ZSWIM7: variants seen among roughly 807,000 people sequenced by gnomAD.
The protein encoded by ZSWIM7 is zinc finger SWIM-type containing 7.
A neutral mutation model predicts 21.1 loss-of-function variants in ZSWIM7; 22 were observed. The observed-to-expected ratio is 1.04, with a 90% CI of 0.74 to 1.49. The LOEUF (loss-of-function observed/expected upper bound fraction) is 1.49. Among genes scored for constraint, ZSWIM7 ranks in the 40% most tolerant of loss-of-function variants. ZSWIM7 has a pLI of 0.00. For missense variants in ZSWIM7, 193 were observed against 168.0 expected, an observed-to-expected ratio of 1.15 and a Z score of -0.82; for synonymous variants, 67 against 66.5, an observed-to-expected ratio of 1.01 and a Z score of -0.04.
chr17:15,986,326 G>A (rs1970410075), intron 3 of ZSWIM7, among the ~76,000 whole-genome samples: 1 of 152,162 alleles, frequency 6.6e-6, no homozygotes, highest in Non-Finnish European at 1.5e-5. Context: ...TTACAGGCGT[G>A]AGCCACCACG....
chr17:15,979,386 T>C (rs1310570389), intron 4 of ZSWIM7, among the ~76,000 whole-genome samples: 5 of 152,358 alleles, frequency 3.3e-5, no homozygotes, highest in Admixed American at 2.0e-4. Flanking sequence ...CCATGTCTAC[T>C]TCTTTCCACA....
chr17:15,978,944 TCTC>T (rs1033465081), intron 4 of ZSWIM7, among the ~76,000 whole-genome samples: 9 of 149,176 alleles, frequency 6.0e-5, no homozygotes, highest in Non-Finnish European at 1.2e-4. Flanking sequence ...TAGGCTACTC[TCTC>T]TTTTTTTTTT....
rs200004394 is a variant in ZSWIM7, at chr17:15,999,509, G to C, written c.76+10C>G. 1,614 of 1,598,176 alleles carry C rather than the reference G, an allele frequency of 1.0e-3. 3 individuals carry two copies. Among genetic ancestry groups the C allele is most frequent in the Middle Eastern group, 3.6e-3 (19 of 5,334 alleles). ...CCATGGCGCAGCCACACACGACCTCGGTCCCGTACTTCGCGCGCTCTCCTG... is the reference window on the plus strand; with the variant it reads ...CCATGGCGCAGCCACACACGACCTCCGTCCCGTACTTCGCGCGCTCTCCTG... On this transcript the variant is annotated intron_variant, in intron 1 of 4. Coordinates refer to ENST00000399277, the MANE Select transcript of ZSWIM7 (RefSeq NM_001042697.2).
At chr17:15,995,425 G>A (rs1176934201) in intron 1 of ZSWIM7, among the ~76,000 whole-genome samples, 1 of 150,502 alleles carries the variant, frequency 6.6e-6, no homozygotes, top group Non-Finnish European at 1.5e-5. Flanking sequence ...GCACCACCAC[G>A]CCCAGCTAAT....
Position 15,999,619 on chromosome 17 carries a change from G to C in ZSWIM7, c.-25C>G. The C allele has an allele frequency of 6.4e-7, 1 of 1,565,668 alleles. No homozygotes were observed. Among genetic ancestry groups the C allele is most frequent in the Middle Eastern group, 1.7e-4 (1 of 5,952 alleles). On this transcript the variant is annotated 5_prime_UTR_variant, in exon 1 of 5. Transcript: ENST00000399277. ...TCGCGCCGCAGGACACGCCCTCCAC[G>C]ACCGGCGGACCGCCGCGACGCTCCA...
intron 4 of ZSWIM7, among the ~76,000 whole-genome samples, chr17:15,979,214 C>T (rs1338329974): frequency 6.6e-6 from 1 of 151,886 alleles, no homozygotes; most frequent in Non-Finnish European, 1.5e-5. Context: ...TGCCTTCAAG[C>T]ATCTGTTTAT....
chr17:15,980,357 T>G (rs143511643), intron 4 of ZSWIM7: 4 of 152,392 alleles, frequency 2.6e-5, no homozygotes, highest in African/African-American at 9.6e-5. Flanking sequence ...GCACATCAGT[T>G]ACGAATGTGG....
intron 4 of ZSWIM7, among the ~76,000 whole-genome samples, chr17:15,980,039 C>G (rs112347584): frequency 1.0e-4 from 12 of 118,264 alleles, no homozygotes; most frequent in Admixed American, 5.5e-4. Context: ...GGGGGGCTGA[C>G]CCCCCCACCT....
intron 1 of ZSWIM7, among the ~76,000 whole-genome samples, chr17:15,994,108 C>G (rs905029437): frequency 2.0e-5 from 3 of 152,132 alleles, no homozygotes; most frequent in Non-Finnish European, 4.4e-5. Flanking sequence ...ACTACCATGC[C>G]CAGCTAATTT....
chr17:15,982,571 G>T lies in ZSWIM7; in HGVS notation c.202-1427C>A, dbSNP rs542800629. 1.7e-4 allele frequency among the ~76,000 whole-genome samples: 26 copies of T among 152,204 alleles called. 1 individual carries two copies. In the South Asian group the frequency reaches 2.9e-3, roughly 17 times the overall value. ...GTTTGACTGCAAGAACAAACAGCAG[G>T]TTCCACTGCTGTGCTTTTGTCACAT... is the stretch of plus-strand genomic sequence containing the variant. On this transcript the variant is annotated intron_variant, in intron 3 of 4. Coordinates refer to ENST00000399277, the MANE Select transcript of ZSWIM7 (RefSeq NM_001042697.2).
rs1034932712 is a variant in ZSWIM7, at chr17:15,993,781, G to A, written c.77-3C>T. Reference sequence around the variant, plus strand: ...CGATAACAGATATTCATCAGGAACTGTAAAATGAGAATGGAAAAAAAAAGT... The same window carrying A: ...CGATAACAGATATTCATCAGGAACTATAAAATGAGAATGGAAAAAAAAAGT... On this transcript the variant is annotated splice_region_variant and splice_polypyrimidine_tract_variant and intron_variant, in intron 1 of 4. Transcript: ENST00000399277. 4.7e-6 allele frequency: 7 copies of A among 1,505,278 alleles called. No individual in the cohort carries two copies. The highest frequency in any genetic ancestry group is 4.2e-5 in the African/African-American group (3 of 71,842). The allele number at this position is 1,505,278 out of a possible 1,614,324, so 93.2% of individuals were successfully genotyped here.
intron 2 of ZSWIM7, among the ~76,000 whole-genome samples, chr17:15,989,638 G>A (rs1970457433): frequency 5.3e-5 from 8 of 151,590 alleles, no homozygotes; most frequent in Admixed American, 5.3e-4. Context: ...TTTGTTTTTT[G>A]TTTTTTGAGA....
At chr17:15,998,450 C>T (rs900647864) in intron 1 of ZSWIM7, among the ~76,000 whole-genome samples, 5 of 152,192 alleles carry the variant, frequency 3.3e-5, no homozygotes, top group African/African-American at 1.2e-4. Context: ...ACTTTTAAAA[C>T]AAAAGCCATC....
chr17:15,986,070 A>G (rs1970406346), intron 3 of ZSWIM7, among the ~76,000 whole-genome samples: 1 of 84,494 alleles, frequency 1.2e-5, no homozygotes, highest in African/African-American at 8.7e-5. Context: ...TTTGAGACAG[A>G]GTTCTGCTCG....
intron 1 of ZSWIM7, 66 bp from the exon 2 acceptor site, chr17:15,993,844 TAAA>T: frequency 8.0e-7 from 1 of 1,247,508 alleles, no homozygotes; most frequent in South Asian, 1.3e-5. Context: ...ATAAAAATCT[TAAA>T]AAACACTGTA....
chr17:15,999,410 A>G (rs1044976104), intron 1 of ZSWIM7, 109 bp downstream of exon 1: 8 of 1,385,488 alleles, frequency 5.8e-6, no homozygotes, highest in Admixed American at 2.0e-5. Flanking sequence ...CCACATGGAA[A>G]AAAGGCAGGG....
intron 4 of ZSWIM7, 38 bp from the exon 5 acceptor site, chr17:15,978,201 A>G (rs1376874292): frequency 1.3e-6 from 2 of 1,522,714 alleles, no homozygotes; most frequent in Admixed American, 3.4e-5. Flanking sequence ...AGAAACAGGC[A>G]GGGCCAGGGC....
At chr17:15,994,860 C>T (rs889477537) in intron 1 of ZSWIM7, among the ~76,000 whole-genome samples, 1 of 152,048 alleles carries the variant, frequency 6.6e-6, no homozygotes, top group African/African-American at 2.4e-5. Flanking sequence ...ACTATAGTGA[C>T]GTTCATATTC....
chr17:15,981,875 C>A (rs1379657423), intron 3 of ZSWIM7, among the ~76,000 whole-genome samples: 1 of 152,194 alleles, frequency 6.6e-6, no homozygotes, highest in Non-Finnish European at 1.5e-5. Context: ...GTGACTGCAC[C>A]ACTGCACTGC....
Sources: gnomAD v4.1 joint callset for allele counts (sites outside exome capture counted in the v4.1 genomes callset) on GRCh38, gnomAD v4.1.1 for gene constraint, MANE v1.5 for transcripts, NCBI Gene and HGNC (gene_info 2026-07-23, HGNC 2026-07-21) for gene names.